The following GDF1 variants were observed in gnomAD, a reference collection of about 807,000 sequenced individuals.
The protein encoded by GDF1 is growth differentiation factor 1, also known as embryonic growth/differentiation factor 1.
In GDF1, 8 loss-of-function variants were observed where a neutral mutation model predicts 7.4. The ratio of observed to expected loss-of-function variants is 1.09; its 90% CI spans 0.64 to 1.96. GDF1 has a LOEUF of 1.96. GDF1 is among the 30% of genes most tolerant of loss of function. The pLI is 0.00. For synonymous variants in GDF1, 311 were observed against 276.7 expected (o/e 1.12, Z -1.23); for missense variants, 574 against 551.5 (o/e 1.04, Z -0.41).
rs551863121 is a variant in GDF1, at chr19:18,884,991, C to T, written c.-913-724G>A. ...TCGGCCTCCCAAAGTGCTGGGATTA[C>T]AGGCGTGAGCCACCGTGCCCGGCCA... On this transcript the variant is annotated intron_variant, in intron 2 of 7. Transcript: ENST00000247005. Among the ~76,000 whole-genome samples the T allele has an allele frequency of 3.3e-5, 5 of 152,224 alleles. No homozygotes were observed. The South Asian group carries it at 8.3e-4, about 25-fold the overall frequency.
chr19:18,888,462 G>A (rs2056412496), intron 2 of GDF1, among the ~76,000 whole-genome samples: 1 of 145,262 alleles, frequency 6.9e-6, no homozygotes, highest in South Asian at 2.3e-4. Context: ...AGGTTCCAGT[G>A]AGCTGAGATC....
chr19:18,894,504 C>A (rs1464340969), intron 1 of GDF1, among the ~76,000 whole-genome samples: 1 of 152,128 alleles, frequency 6.6e-6, no homozygotes, highest in Admixed American at 6.5e-5. Flanking sequence ...AGCACCCCAC[C>A]CAAGGGGCTG....
Position 18,895,805 on chromosome 19 carries a change from G to C in GDF1, c.-1074+19C>G, listed in dbSNP as rs1390239985. 2 of 1,220,680 alleles carry C rather than the reference G, an allele frequency of 1.6e-6. No homozygotes were observed. Among genetic ancestry groups the C allele is most frequent in the East Asian group, 3.6e-5 (1 of 27,534 alleles). The allele number at this position is 1,220,680 out of a possible 1,614,324, so 75.6% of individuals were successfully genotyped here. On this transcript the variant is annotated intron_variant, in intron 1 of 7. Coordinates refer to ENST00000247005, the MANE Select transcript of GDF1 (RefSeq NM_001492.6). The surrounding 1 kb of genome is among the most constrained non-coding windows in gnomAD (Gnocchi z 6.4). ...CCCCAGTCCGGGGTCCCCTCGTCCCGGCCCCCGGCCACACTGACCCGAAAG... is the reference window on the plus strand; with the variant it reads ...CCCCAGTCCGGGGTCCCCTCGTCCCCGCCCCCGGCCACACTGACCCGAAAG...
intron 2 of GDF1, among the ~76,000 whole-genome samples, chr19:18,886,011 C>G (rs1191791615): frequency 1.3e-5 from 2 of 152,156 alleles, no homozygotes; most frequent in Non-Finnish European, 2.9e-5. Context: ...TGCACCTGAC[C>G]ACCACGCTCA....
Position 18,895,877 on chromosome 19 carries a change from C to T in GDF1, c.-1127G>A. 7.8e-7 allele frequency: 1 copy of T among 1,281,992 alleles called. No individual in the cohort carries two copies. Among genetic ancestry groups the T allele is most frequent in the South Asian group, 2.1e-5 (1 of 47,108 alleles). 79.4% of individuals were successfully genotyped at this position (1,281,992 alleles called of 1,614,324 possible). A position where few individuals can be genotyped will look rare whatever the true frequency, so the allele number is the denominator to read the frequency against. ...CGCAGGGCGGTCCAGCCCAGCGCGC[C>T]GAGCGCCAGCAGCAGCAGCTCGGGC... is the stretch of plus-strand genomic sequence containing the variant. On this transcript the variant is annotated 5_prime_UTR_variant, in exon 1 of 8. Transcript: ENST00000247005. The surrounding 1 kb of genome is among the most constrained non-coding windows in gnomAD (Gnocchi z 6.4).
intron 4 of GDF1, 99 bp from the exon 5 acceptor site, chr19:18,879,487 C>A (rs1021967904): frequency 2.2e-6 from 3 of 1,382,128 alleles, no homozygotes; most frequent in Non-Finnish European, 2.9e-6. Context: ...CCCCCTTATC[C>A]CATCCTTGCC....
chr19:18,889,381 G>C (rs542275008), intron 2 of GDF1, among the ~76,000 whole-genome samples: 21 of 152,084 alleles, frequency 1.4e-4, no homozygotes, highest in Non-Finnish European at 2.2e-4. Context: ...CACAGGATAG[G>C]GGGGAAGTCC....
At chr19:18,871,364 G>T (rs2055967530) in intron 6 of GDF1, among the ~76,000 whole-genome samples, 1 of 151,262 alleles carries the variant, frequency 6.6e-6, no homozygotes. Context: ...GTAGTGTGGT[G>T]GCACCTGCCA....
At position 18,879,344 on chromosome 19, in the gene GDF1, G is replaced by A. The variant is rs1245703626; in HGVS notation, c.-526C>T. On this transcript the variant is annotated 5_prime_UTR_variant, in exon 5 of 8. Transcript: ENST00000247005. ...CGTGCGCAGACTGCAGTGACTGGTGGCATACAGGACCTTGAGCGGGAACCA... is the reference window on the plus strand; with the variant it reads ...CGTGCGCAGACTGCAGTGACTGGTGACATACAGGACCTTGAGCGGGAACCA... The A allele has an allele frequency of 6.9e-6, 11 of 1,600,046 alleles. No individual in the cohort carries two copies. In the African/African-American group the frequency reaches 1.1e-4, roughly 16 times the overall value.
chr19:18,895,301 GCAGCGGAC>G lies in GDF1; in HGVS notation c.-1074+515_-1074+522del, dbSNP rs1485612150. On this transcript the variant is annotated intron_variant, in intron 1 of 7. Transcript: ENST00000247005. The surrounding 1 kb of genome is among the most constrained non-coding windows in gnomAD (Gnocchi z 6.4). ...GCCGCACGGACCCAGCAGAAAACGG[GCAGCGGAC>G]CTCGCTCCGGGCCGGGGCGCAGCCC... 3.3e-5 allele frequency among the ~76,000 whole-genome samples: 5 copies of G among 152,200 alleles called. No homozygotes were observed. The highest frequency in any genetic ancestry group is 7.4e-5 in the Non-Finnish European group (5 of 68,026).
In GDF1 at chr19:18,878,697, TCGCCCTGCCTGC is replaced by T. The variant is rs2056112778; in HGVS notation, c.-313+221_-313+232del. ...GTCCCTACCGCTGAGACCCTGCCTG[TCGCCCTGCCTGC>T]CCCTCCCCAGCCTCTCCCTCCCCTT... is the stretch of plus-strand genomic sequence containing the variant. On this transcript the variant is annotated intron_variant, in intron 6 of 7. Coordinates refer to ENST00000247005, the MANE Select transcript of GDF1 (RefSeq NM_001492.6). The surrounding 1 kb of genome is among the most constrained non-coding windows in gnomAD (Gnocchi z 4.6). 19 of 1,360,266 alleles carry T rather than the reference TCGCCCTGCCTGC, an allele frequency of 1.4e-5. No homozygotes were observed. Among genetic ancestry groups the T allele is most frequent in the Non-Finnish European group, 1.5e-5 (16 of 1,052,454 alleles). The allele number at this position is 1,360,266 out of a possible 1,614,324, so 84.3% of individuals were successfully genotyped here. A position where few individuals can be genotyped will look rare whatever the true frequency, so the allele number is the denominator to read the frequency against.
At chr19:18,875,661 G>C (rs2056048009) in intron 6 of GDF1, among the ~76,000 whole-genome samples, 1 of 151,980 alleles carries the variant, frequency 6.6e-6, no homozygotes, top group South Asian at 2.1e-4. Context: ...CTCGGCCTTT[G>C]TGGCCACGTT....
chr19:18,888,518 T>C (rs959231805), intron 2 of GDF1, among the ~76,000 whole-genome samples: 3 of 77,836 alleles, frequency 3.9e-5, no homozygotes, highest in African/African-American at 1.2e-4. Flanking sequence ...ACCCTGTCTC[T>C]TAAAAAAAAA....
chr19:18,869,990 C>T lies in GDF1; in HGVS notation c.318G>A (p.Pro106=). 1.3e-6 allele frequency: 2 copies of T among 1,591,436 alleles called. No individual in the cohort carries two copies. Among genetic ancestry groups the T allele is most frequent in the Middle Eastern group, 1.7e-4 (1 of 6,028 alleles). ...AGCGAAAGCCCCACTCACCGCGGTC[C>T]GGGATGTGGCGCACGATGTTTCCGG... The part of the protein sequence containing the change: ...GVAGNIVRHI[P]DRGAPTRASE... Residue 106 remains proline (P), a synonymous_variant, in exon 7 of 8, where the codon CCG becomes CCA. Coordinates refer to ENST00000247005, the MANE Select transcript of GDF1 (RefSeq NM_001492.6).
At chr19:18,891,972 C>A (rs541221469) in intron 2 of GDF1, among the ~76,000 whole-genome samples, 367 of 151,800 alleles carry the variant, frequency 2.4e-3, no homozygotes, top group African/African-American at 8.3e-3. Flanking sequence ...CGGCTCACTG[C>A]AACCTCCGCC....
intron 6 of GDF1, among the ~76,000 whole-genome samples, chr19:18,877,522 C>T (rs2056079786): frequency 6.6e-6 from 1 of 152,158 alleles, no homozygotes; most frequent in South Asian, 2.1e-4. Context: ...GAGGCTAAGG[C>T]ATGTGGACCA....
rs897982662 is a variant in GDF1 at position 18,878,606 on chromosome 19, C to A, written c.-313+324G>T. ...TCATCCAGGCTGGCCAGCAACTACT[C>A]CTCACCACCCACAGGGCCCTGGCTC... On this transcript the variant is annotated intron_variant, in intron 6 of 7. Coordinates refer to ENST00000247005, the MANE Select transcript of GDF1 (RefSeq NM_001492.6). The surrounding 1 kb of genome is among the most constrained non-coding windows in gnomAD (Gnocchi z 4.6). The A allele has an allele frequency of 1.9e-5, 22 of 1,157,850 alleles. No homozygotes were observed. The highest frequency in any genetic ancestry group is 4.2e-5 in the Admixed American group (1 of 24,018). The allele number at this position is 1,157,850 out of a possible 1,614,324, so 71.7% of individuals were successfully genotyped here.
intron 2 of GDF1, among the ~76,000 whole-genome samples, chr19:18,888,276 T>C (rs2056407813): frequency 6.6e-6 from 1 of 151,946 alleles, no homozygotes; most frequent in East Asian, 1.9e-4. Context: ...GGAGAATCGC[T>C]TGAACCTGGG....
intron 7 of GDF1, among the ~76,000 whole-genome samples, chr19:18,869,592 G>C (rs1449044955): frequency 6.6e-6 from 1 of 151,262 alleles, no homozygotes; most frequent in Non-Finnish European, 1.5e-5. Flanking sequence ...GCGGCGGGGG[G>C]GGTGGGCTGC....
Sources: allele counts gnomAD v4.1 joint callset (sites outside exome capture counted in the v4.1 genomes callset), GRCh38; gene constraint gnomAD v4.1.1; non-coding constraint Gnocchi (gnomAD v3.1); transcripts MANE v1.5; gene names NCBI Gene and HGNC (gene_info 2026-07-23, HGNC 2026-07-21).